Variants in LINGO2 observed in about 807,000 individuals in gnomAD.
LINGO2 encodes the protein leucine-rich repeat and immunoglobulin-like domain-containing nogo receptor-interacting protein 2.
LINGO2 carries 14 observed loss-of-function variants against 30.6 expected under a neutral mutation model. The observed-to-expected ratio is 0.46, with a 90% CI of 0.30 to 0.72. The LOEUF (loss-of-function observed/expected upper bound fraction) is 0.72, where lower values mean the gene tolerates loss of function less well. Ranked by LOEUF, LINGO2 falls within the 30% of genes least tolerant of loss-of-function variation. The probability of loss-of-function intolerance (pLI) is 0.07; values close to 1 mark genes in which losing one functional copy is unlikely to be tolerated. For missense variants in LINGO2, 729 were observed against 751.7 expected (o/e 0.97, Z 0.35); for synonymous variants, 317 against 288.5 (o/e 1.10, Z -1.00).
chr9:28,121,006 C>A (rs1827079775), intron 4 of LINGO2, among the ~76,000 whole-genome samples: 2 of 152,170 alleles, frequency 1.3e-5, no homozygotes, highest in Admixed American at 1.3e-4. Flanking sequence ...TATTTAAAAT[C>A]TGTCTGCTTC....
At chr9:28,867,708 A>C in the LINGO2 span, among the ~76,000 whole-genome samples, 1 of 152,176 alleles carries the variant, frequency 6.6e-6, no homozygotes, top group Non-Finnish European at 1.5e-5. Flanking sequence ...GTTGAGGCAC[A>C]CAAAAAAGTG....
the LINGO2 span, among the ~76,000 whole-genome samples, chr9:29,156,917 GA>G: frequency 6.6e-6 from 1 of 151,786 alleles, no homozygotes; most frequent in Non-Finnish European, 1.5e-5. Context: ...CTTCTTCCTA[GA>G]ATCTATGATT....
the LINGO2 span, among the ~76,000 whole-genome samples, chr9:29,070,063 T>TTA: frequency 9.7e-5 from 14 of 144,778 alleles, no homozygotes; most frequent in South Asian, 2.2e-4. Context: ...TTGCTAAATC[T>TTA]TATATATATA....
intron 1 of LINGO2, among the ~76,000 whole-genome samples, chr9:28,509,669 T>A (rs1820292177): frequency 6.6e-6 from 1 of 152,068 alleles, no homozygotes; most frequent in African/African-American, 2.4e-5. Flanking sequence ...AGTACTTACG[T>A]CCTCATAAGA....
At chr9:28,847,820 CATATATA>C in the LINGO2 span, among the ~76,000 whole-genome samples, 1 of 36,600 alleles carries the variant, frequency 2.7e-5, no homozygotes, top group African/African-American at 8.8e-5. Flanking sequence ...TGTATATATA[CATATATA>C]TGTATAGTAT....
At chr9:28,386,002 C>G (rs1305095872) in intron 2 of LINGO2, among the ~76,000 whole-genome samples, 1 of 152,102 alleles carries the variant, frequency 6.6e-6, no homozygotes. Flanking sequence ...CAGATAATTG[C>G]CTTTGAGAGG....
At chr9:28,290,566 T>C (rs1823688330) in intron 4 of LINGO2, among the ~76,000 whole-genome samples, 1 of 151,990 alleles carries the variant, frequency 6.6e-6, no homozygotes, top group African/African-American at 2.4e-5. Flanking sequence ...GCTGAGGAGA[T>C]GGGAACTCAG....
intron 4 of LINGO2, among the ~76,000 whole-genome samples, chr9:28,277,837 C>CA (rs765748438): frequency 0.086 from 9,264 of 107,490 alleles, 1,008 homozygotes; most frequent in African/African-American, 0.3. Flanking sequence ...CAAAACAAAA[C>CA]AAAAAAAAAA....
At chr9:28,404,187 C>T (rs7866491) in intron 2 of LINGO2, among the ~76,000 whole-genome samples, 1 of 151,986 alleles carries the variant, frequency 6.6e-6, no homozygotes, top group Non-Finnish European at 1.5e-5. Flanking sequence ...TTCTTCAAAG[C>T]TGTCTTTTTT....
At chr9:28,547,007 G>A (rs1459932210) in intron 1 of LINGO2, among the ~76,000 whole-genome samples, 1 of 152,050 alleles carries the variant, frequency 6.6e-6, no homozygotes, top group African/African-American at 2.4e-5. Context: ...AATTGACTGG[G>A]AAAAGTTGGT....
chr9:28,563,547 T>C (rs917474705), intron 1 of LINGO2, among the ~76,000 whole-genome samples: 2 of 152,180 alleles, frequency 1.3e-5, no homozygotes, highest in Non-Finnish European at 2.9e-5. Flanking sequence ...TTAACTGTCT[T>C]TGTTTTCTGC....
At chr9:28,995,764 G>T in the LINGO2 span, among the ~76,000 whole-genome samples, 1 of 151,780 alleles carries the variant, frequency 6.6e-6, no homozygotes, top group African/African-American at 2.4e-5. Context: ...GTAAACTATC[G>T]CAAGGACAAA....
chr9:27,950,710 C>T lies in LINGO2; in HGVS notation c.-35-4G>A. 1 of 1,457,052 alleles carries T rather than the reference C, an allele frequency of 6.9e-7. No homozygotes were observed. Among genetic ancestry groups the T allele is most frequent in the Non-Finnish European group, 9.1e-7 (1 of 1,100,462 alleles). 90.3% of individuals were successfully genotyped at this position (1,457,052 alleles called of 1,614,324 possible). ...AGTCTACACCTTGGTCACGGGTCTG[C>T]ATGGAAGGGACACAAGAAGGGAGGA... On this transcript the variant is annotated splice_polypyrimidine_tract_variant and splice_region_variant and intron_variant, in intron 5 of 5. Coordinates refer to ENST00000379992, the Ensembl canonical transcript of LINGO2.
rs1199397586 is a variant in LINGO2, at chr9:28,071,003, C to A, written c.-86-58598G>T. Among the ~76,000 whole-genome samples, 3 of 152,192 alleles carry A rather than the reference C, an allele frequency of 2.0e-5. No homozygotes were observed. The East Asian group carries it at 5.8e-4, about 29-fold the overall frequency. The stretch of plus-strand genomic sequence containing the variant: ...GTGCTAGCATTACAGGCCTAAGCCA[C>A]CATGCCTGGCCCCAGTACTACTGTT... On this transcript the variant is annotated intron_variant, in intron 4 of 5. Coordinates refer to ENST00000379992, the Ensembl canonical transcript of LINGO2.
intron 4 of LINGO2, among the ~76,000 whole-genome samples, chr9:28,159,299 C>T (rs1344418568): frequency 2.0e-5 from 3 of 152,110 alleles, no homozygotes; most frequent in Admixed American, 2.0e-4. Flanking sequence ...CTGAAACTGT[C>T]ACAGAATATT....
the LINGO2 span, among the ~76,000 whole-genome samples, chr9:29,119,597 T>C: frequency 1.4e-5 from 2 of 146,002 alleles, no homozygotes; most frequent in Admixed American, 6.8e-5. Context: ...TTTTTTTTTT[T>C]TTTTTGGAGA....
intron 4 of LINGO2, among the ~76,000 whole-genome samples, chr9:28,048,525 T>C (rs1398910415): frequency 6.6e-6 from 1 of 150,784 alleles, no homozygotes; most frequent in African/African-American, 2.5e-5. Flanking sequence ...CCAGTGAAAG[T>C]AAGGAATCCA....
At chr9:28,275,058 TA>T (rs1823068231) in intron 4 of LINGO2, among the ~76,000 whole-genome samples, 1 of 152,044 alleles carries the variant, frequency 6.6e-6, no homozygotes. Context: ...TTGTCTACTC[TA>T]AAGTCCATTT....
intron 1 of LINGO2, among the ~76,000 whole-genome samples, chr9:28,651,145 T>A (rs529133340): frequency 6.6e-6 from 1 of 151,024 alleles, no homozygotes; most frequent in East Asian, 2.0e-4. Context: ...ACTGTGACAC[T>A]GTACTCCAGC....
Sources: allele counts gnomAD v4.1 joint callset (sites outside exome capture counted in the v4.1 genomes callset), GRCh38; gene constraint gnomAD v4.1.1; transcripts MANE v1.5; gene names NCBI Gene and HGNC (gene_info 2026-07-23, HGNC 2026-07-21).